Variants in MACC1 observed in about 807,000 individuals in gnomAD.
The protein encoded by MACC1 is MET transcriptional regulator MACC1.
Under a neutral mutation model 70.7 loss-of-function variants are expected in MACC1, and 79 were observed. That is an observed-to-expected ratio of 1.12 (90% CI 0.93 to 1.35). The LOEUF is 1.35. Among genes scored for constraint, MACC1 ranks in the 40% most tolerant of loss-of-function variants. The probability of loss-of-function intolerance (pLI) is 0.00; values close to 1 mark genes in which losing one functional copy is unlikely to be tolerated. For missense variants in MACC1, 1,106 were observed against 978.1 expected (o/e 1.13, Z -1.74); for synonymous variants, 361 against 347.2 (o/e 1.04, Z -0.44).
chr7:20,161,874 C>T lies in MACC1; in HGVS notation c.-8-4G>A. On this transcript the variant is annotated splice_polypyrimidine_tract_variant and splice_region_variant and intron_variant, in intron 3 of 6. Coordinates refer to ENST00000400331, the MANE Select transcript of MACC1 (RefSeq NM_182762.4). ...TCAGTGATTAGCATTTTTCCACCTA[C>T]AAAGTAAATAGATAAGTATTTTTTG... is the stretch of plus-strand genomic sequence containing the variant. The T allele has an allele frequency of 6.5e-7, 1 of 1,537,238 alleles. No individual in the cohort carries two copies. Among genetic ancestry groups the T allele is most frequent in the Non-Finnish European group, 9.0e-7 (1 of 1,110,866 alleles).
chr7:20,188,155 A>G (rs963913832), intron 1 of MACC1, among the ~76,000 whole-genome samples: 1 of 152,208 alleles, frequency 6.6e-6, no homozygotes, highest in African/African-American at 2.4e-5. Flanking sequence ...CATCCCCATG[A>G]TTCAATTATC....
intron 1 of MACC1, among the ~76,000 whole-genome samples, chr7:20,174,217 C>T (rs934174239): frequency 6.6e-6 from 1 of 152,082 alleles, no homozygotes. Flanking sequence ...GACAAAGAGA[C>T]AGAATTTGTC....
chr7:20,195,470 T>C (rs1782736685), intron 1 of MACC1, among the ~76,000 whole-genome samples: 1 of 152,192 alleles, frequency 6.6e-6, no homozygotes, highest in Non-Finnish European at 1.5e-5. Context: ...TATTCAACAG[T>C]CTATAGGAGG....
chr7:20,154,821 A>C (rs1583385463), intron 5 of MACC1, among the ~76,000 whole-genome samples: 1 of 152,276 alleles, frequency 6.6e-6, no homozygotes, highest in Non-Finnish European at 1.5e-5. Flanking sequence ...TTTAAAGTGT[A>C]TGTGAACTGG....
At chr7:20,153,881 G>T (rs150883801) in intron 6 of MACC1, among the ~76,000 whole-genome samples, 1 of 152,180 alleles carries the variant, frequency 6.6e-6, no homozygotes, top group African/African-American at 2.4e-5. Flanking sequence ...AAATTTACCT[G>T]TTTTATGACT....
chr7:20,207,413 A>G (rs888826777), intron 1 of MACC1, among the ~76,000 whole-genome samples: 3 of 151,944 alleles, frequency 2.0e-5, no homozygotes, highest in Non-Finnish European at 4.4e-5. Flanking sequence ...CTGTCTCCCA[A>G]AGTGCTGGGA....
chr7:20,147,775 G>T (rs1202503531), intron 6 of MACC1, among the ~76,000 whole-genome samples: 1 of 152,142 alleles, frequency 6.6e-6, no homozygotes, highest in East Asian at 1.9e-4. Context: ...AACTTCAGGG[G>T]TTAAGCATGA....
intron 2 of MACC1, among the ~76,000 whole-genome samples, chr7:20,167,916 T>G (rs1428691496): frequency 6.6e-6 from 1 of 152,192 alleles, no homozygotes; most frequent in East Asian, 1.9e-4. Context: ...TTTTCACTGG[T>G]GCTGCAAATT....
chr7:20,177,060 G>C (rs1782404208), intron 1 of MACC1, among the ~76,000 whole-genome samples: 1 of 152,106 alleles, frequency 6.6e-6, no homozygotes, highest in South Asian at 2.1e-4. Context: ...TACACACCTT[G>C]TACAAGTGTC....
intron 1 of MACC1, among the ~76,000 whole-genome samples, chr7:20,189,748 TAAACACACACAC>T (rs1347296448): frequency 2.7e-5 from 3 of 110,954 alleles, no homozygotes; most frequent in Non-Finnish European, 6.2e-5. Context: ...CACAAACACA[TAAACACACACAC>T]ACACACACAC....
chr7:20,187,159 T>C (rs1260358892), intron 1 of MACC1, among the ~76,000 whole-genome samples: 2 of 152,200 alleles, frequency 1.3e-5, no homozygotes, highest in Non-Finnish European at 2.9e-5. Context: ...GGTAAGACCA[T>C]ACTAATTTTG....
chr7:20,193,766 C>A (rs1356796391), intron 1 of MACC1, among the ~76,000 whole-genome samples: 1 of 147,172 alleles, frequency 6.8e-6, no homozygotes, highest in Non-Finnish European at 1.5e-5. Context: ...GGAAGTTTGG[C>A]CTCTTTCTAT....
chr7:20,181,277 G>A (rs1031113221), intron 1 of MACC1, among the ~76,000 whole-genome samples: 1 of 151,982 alleles, frequency 6.6e-6, no homozygotes, highest in Admixed American at 6.6e-5. Flanking sequence ...TAAATAATAT[G>A]TATTACAAAG....
chr7:20,159,153 G>T lies in MACC1; in HGVS notation c.1208C>A (p.Ser403Tyr). Reference sequence around the variant, plus strand: ...GTTTTTTCCACCCTTCTTAATATCAGAAATTGTAAGCTGTCCTGGCATATA... The same window carrying T: ...GTTTTTTCCACCCTTCTTAATATCATAAATTGTAAGCTGTCCTGGCATATA... ...HNYMPGQLTI[S>Y]DIKKGGKNIS... Residue 403 changes from serine (S) to tyrosine (Y), a missense_variant, in exon 5 of 7, where the codon TCT becomes TAT. Coordinates refer to ENST00000400331, the MANE Select transcript of MACC1 (RefSeq NM_182762.4). 1.2e-6 allele frequency: 2 copies of T among 1,613,938 alleles called. No homozygotes were observed. The highest frequency in any genetic ancestry group is 1.7e-6 in the Non-Finnish European group (2 of 1,180,004).
At chr7:20,154,406 A>C (rs748240789) in intron 5 of MACC1, 25 bp from the exon 6 acceptor site, 60 of 1,599,900 alleles carry the variant, frequency 3.8e-5, no homozygotes, top group Admixed American at 8.7e-5. Flanking sequence ...ACATGTCACA[A>C]TTAAAAGCAA....
At chr7:20,162,351 A>T (rs1782150938) in intron 3 of MACC1, among the ~76,000 whole-genome samples, 1 of 152,122 alleles carries the variant, frequency 6.6e-6, no homozygotes, top group Non-Finnish European at 1.5e-5. Context: ...TTTATTTCTC[A>T]ATGGATAAAA....
At chr7:20,154,089 G>A (rs1782019840) in intron 6 of MACC1, 104 bp downstream of exon 6, 1 of 1,168,838 alleles carries the variant, frequency 8.6e-7, no homozygotes, top group Admixed American at 1.8e-5. Flanking sequence ...GGATCATCTT[G>A]GACATTCCCC....
chr7:20,154,319 C>T lies in MACC1; in HGVS notation c.2220G>A (p.Leu740=), dbSNP rs1432581223. ...VARLIQEAAV[L]TSAVKLGKGW... is the part of the protein sequence containing the mutation. ...CTTTTCCAAGCTTGACAGCTGAAGT[C>T]AGAACAGCAGCTTCTTGGATGAGAC... Residue 740 remains leucine (L), a synonymous_variant, in exon 6 of 7, where the codon CTG becomes CTA. Transcript: ENST00000400331. 16 of 1,613,954 alleles carry T rather than the reference C, an allele frequency of 9.9e-6. No individual in the cohort carries two copies. The highest frequency in any genetic ancestry group is 1.4e-5 in the Non-Finnish European group (16 of 1,179,944).
At position 20,134,988 on chromosome 7, in the gene MACC1, C is replaced by A. The variant is rs1781701222; in HGVS notation, c.*5958G>T. On this transcript the variant is annotated 3_prime_UTR_variant, in exon 7 of 7. Transcript: ENST00000400331. ...ATCCTTAGAAAGAACATCCGATCAC[C>A]TTATTAACACTTTCTAATTCTACAG... 6.6e-6 allele frequency: 1 copy of A among 152,196 alleles called. No homozygotes were observed. Among genetic ancestry groups the A allele is most frequent in the Non-Finnish European group, 1.5e-5 (1 of 68,034 alleles). The allele number at this position is 152,196 out of a possible 1,614,324, so 9.4% of individuals were successfully genotyped here. A position where few individuals can be genotyped will look rare whatever the true frequency, so the allele number is the denominator to read the frequency against.
Sources: allele counts gnomAD v4.1 joint callset (sites outside exome capture counted in the v4.1 genomes callset), GRCh38; gene constraint gnomAD v4.1.1; transcripts MANE v1.5; gene names NCBI Gene and HGNC (gene_info 2026-07-23, HGNC 2026-07-21).